ZNF251: variants seen among roughly 807,000 people sequenced by gnomAD.
The protein encoded by ZNF251 is zinc finger protein 251.
In ZNF251, 14 loss-of-function variants were observed where a neutral mutation model predicts 13.5. The ratio of observed to expected loss-of-function variants is 1.04; its 90% CI spans 0.69 to 1.63. ZNF251 has a LOEUF of 1.63. ZNF251 is among the 40% of genes most tolerant of loss of function. The pLI is 0.00. For missense variants in ZNF251, 764 were observed against 834.9 expected (o/e 0.92, Z 1.05); for synonymous variants, 287 against 295.2 (o/e 0.97, Z 0.28).
intron 4 of ZNF251, among the ~76,000 whole-genome samples, chr8:144,735,089 AAG>A (rs908990684): frequency 4.0e-5 from 6 of 149,464 alleles, no homozygotes; most frequent in Admixed American, 2.0e-4. Flanking sequence ...ATAAAAAAAA[AAG>A]AGATTTTACA....
chr8:144,734,878 A>G lies in ZNF251; in HGVS notation c.278-11496T>C, dbSNP rs1195410362. Among the ~76,000 whole-genome samples, 2 of 151,882 alleles carry G rather than the reference A, an allele frequency of 1.3e-5. No individual in the cohort carries two copies. Among genetic ancestry groups the G allele is most frequent in the African/African-American group, 4.8e-5 (2 of 41,316 alleles). On this transcript the variant is annotated intron_variant, in intron 4 of 4. Transcript: ENST00000292562. This position sits in a 1 kb window ranked among gnomAD's most constrained non-coding sequence, Gnocchi z 4.4. ...CACCTGAGGTCAGGAGTTTGAGACC[A>G]GCCTGACCAACACAGAGAAACCCCG...
intron 4 of ZNF251, among the ~76,000 whole-genome samples, chr8:144,735,573 C>A (rs565102164): frequency 6.6e-6 from 1 of 152,116 alleles, no homozygotes; most frequent in East Asian, 1.9e-4. Flanking sequence ...ATCCCATGCC[C>A]ACAAATCAGA....
Position 144,723,049 on chromosome 8 carries a change from G to C in ZNF251, c.611C>G (p.Thr204Arg). Residue 204 changes from threonine to arginine, a missense_variant, in exon 5 of 5, where the codon ACA (threonine) becomes AGA (arginine). Thr to Arg is a moderately conservative substitution (Grantham distance 71). Transcript: ENST00000292562. ...QNVVRLQRNKTGERVFKCDIC... is the reference protein window; with the variant it reads ...QNVVRLQRNKRGERVFKCDIC... Reference sequence around the variant, plus strand: ...ATCACATTTAAAGACCCTCTCTCCTGTTTTATTTCTTTGAAGTCTAACAAC... The same window carrying C: ...ATCACATTTAAAGACCCTCTCTCCTCTTTTATTTCTTTGAAGTCTAACAAC... 6 of 1,613,984 alleles carry C rather than the reference G, an allele frequency of 3.7e-6. No individual in the cohort carries two copies. The highest frequency in any genetic ancestry group is 5.1e-6 in the Non-Finnish European group (6 of 1,179,880).
chr8:144,722,698 T>C lies in ZNF251; in HGVS notation c.962A>G (p.Tyr321Cys), dbSNP rs757418507. 3 of 1,614,062 alleles carry C rather than the reference T, an allele frequency of 1.9e-6. No homozygotes were observed. The highest frequency in any genetic ancestry group is 2.5e-6 in the Non-Finnish European group (3 of 1,180,006). ...GCCTCTTCCACATTCATTACACTTG[T>C]AGGGTTTCTCTCCTGTGTGAATGAT... ...HRIIHTGEKPYKCNECGRGFS... is the reference protein window; with the variant it reads ...HRIIHTGEKPCKCNECGRGFS... Residue 321 changes from tyrosine to cysteine, a missense_variant, in exon 5 of 5, where the codon TAC becomes TGC. By Grantham distance (194) the Tyr-to-Cys change is radical. Transcript: ENST00000292562. The surrounding 1 kb of genome is among the most constrained non-coding windows in gnomAD (Gnocchi z 4.8).
At chr8:144,735,629 G>A (rs1214484757) in intron 4 of ZNF251, among the ~76,000 whole-genome samples, 21 of 152,090 alleles carry the variant, frequency 1.4e-4, no homozygotes, top group Admixed American at 1.0e-3. Flanking sequence ...TGGGAAGGAC[G>A]GGCGCACTCG....
chr8:144,737,837 C>CAAAAAA, intron 4 of ZNF251, among the ~76,000 whole-genome samples: 1 of 52,018 alleles, frequency 1.9e-5, no homozygotes, highest in Middle Eastern at 0.015. Context: ...GACTCTGTCT[C>CAAAAAA]AAAAAAAAAA....
chr8:144,723,542 A>G (rs1019281732), intron 4 of ZNF251, among the ~76,000 whole-genome samples, 160 bp from the exon 5 acceptor site: 1 of 152,236 alleles, frequency 6.6e-6, no homozygotes, highest in Non-Finnish European at 1.5e-5. Flanking sequence ...TGGGATGGCC[A>G]ATCAACAGGA....
chr8:144,739,309 C>G (rs1201737888), intron 4 of ZNF251, among the ~76,000 whole-genome samples: 1 of 150,282 alleles, frequency 6.7e-6, no homozygotes, highest in Non-Finnish European at 1.5e-5. Flanking sequence ...CTCCACCTCC[C>G]CAAACTAGGA....
At chr8:144,747,992 T>C (rs1227470324) in intron 4 of ZNF251, among the ~76,000 whole-genome samples, 1 of 152,154 alleles carries the variant, frequency 6.6e-6, no homozygotes, top group Non-Finnish European at 1.5e-5. Flanking sequence ...TCACCGCAGC[T>C]TCAATGTCCT....
At chr8:144,750,919 G>C (rs188627625) in intron 4 of ZNF251, among the ~76,000 whole-genome samples, 1 of 147,414 alleles carries the variant, frequency 6.8e-6, no homozygotes, top group Non-Finnish European at 1.5e-5. Flanking sequence ...GTGCAATCTT[G>C]GCTCACTGCA....
At position 144,738,615 on chromosome 8, in the gene ZNF251, A is replaced by T. The variant is rs537888542; in HGVS notation, c.277+15068T>A. The T allele has an allele frequency of 4.1e-6, 4 of 985,472 alleles. No individual in the cohort carries two copies. In the South Asian group the frequency reaches 1.9e-4, roughly 46 times the overall value. 61.0% of individuals were successfully genotyped at this position (985,472 alleles called of 1,614,324 possible). A position where few individuals can be genotyped will look rare whatever the true frequency, so the allele number is the denominator to read the frequency against. On this transcript the variant is annotated intron_variant, in intron 4 of 4. Coordinates refer to ENST00000292562, the MANE Select transcript of ZNF251 (RefSeq NM_138367.2). ...AGCCTCGTGATGCAACATGCCTGCA[A>T]GTCCAAACTGCCTTCTGCCCATAGA...
intron 4 of ZNF251, among the ~76,000 whole-genome samples, chr8:144,739,528 T>A (rs1279877432): frequency 1.3e-5 from 2 of 152,214 alleles, no homozygotes; most frequent in Non-Finnish European, 2.9e-5. Context: ...GGAACCTTAT[T>A]TTGCTGAAAT....
In ZNF251 at chr8:144,721,580, T is replaced by C. The variant is rs7464212; in HGVS notation, c.*64A>G. 7.8e-7 allele frequency: 1 copy of C among 1,284,594 alleles called. No homozygotes were observed. Among genetic ancestry groups the C allele is most frequent in the Admixed American group, 3.4e-5 (1 of 29,158 alleles). 79.6% of individuals were successfully genotyped at this position (1,284,594 alleles called of 1,614,324 possible). On this transcript the variant is annotated 3_prime_UTR_variant, in exon 5 of 5. Coordinates refer to ENST00000292562, the MANE Select transcript of ZNF251 (RefSeq NM_138367.2). ...ATATTTAGACCTTATATATCTTTCA[T>C]TATGCCATCTTATCTTCTAATGTCA...
intron 2 of ZNF251, 137 bp from the exon 3 acceptor site, chr8:144,754,458 A>C: frequency 6.9e-7 from 1 of 1,444,420 alleles, no homozygotes. Flanking sequence ...CAGGTCCCTG[A>C]TGGGGCAGCT....
At chr8:144,740,379 G>C (rs895510685) in intron 4 of ZNF251, among the ~76,000 whole-genome samples, 11 of 151,994 alleles carry the variant, frequency 7.2e-5, no homozygotes, top group Non-Finnish European at 2.9e-5. Flanking sequence ...GCTCATGCCC[G>C]TAATCCCAGC....
At chr8:144,747,963 G>A (rs987238233) in intron 4 of ZNF251, among the ~76,000 whole-genome samples, 2 of 152,136 alleles carry the variant, frequency 1.3e-5, no homozygotes, top group African/African-American at 2.4e-5. Flanking sequence ...AGCCTGGAGC[G>A]CAGTGACGTG....
At chr8:144,753,574 T>A in intron 4 of ZNF251, 109 bp downstream of exon 4, 1 of 786,322 alleles carries the variant, frequency 1.3e-6, no homozygotes, top group South Asian at 1.6e-5. Context: ...AGACTGCCCC[T>A]GGGGGAGGCC....
intron 4 of ZNF251, among the ~76,000 whole-genome samples, chr8:144,728,459 C>T (rs936088740): frequency 6.6e-6 from 1 of 151,706 alleles, no homozygotes; most frequent in Non-Finnish European, 1.5e-5. Context: ...GTCAGGAGAT[C>T]GAGACCATCC....
intron 4 of ZNF251, among the ~76,000 whole-genome samples, chr8:144,747,920 G>A (rs1249264994): frequency 1.3e-5 from 2 of 151,302 alleles, no homozygotes. Flanking sequence ...CTGGTTTTGT[G>A]GTTTTTAGAG....
Sources: gnomAD v4.1 joint callset for allele counts (sites outside exome capture counted in the v4.1 genomes callset) on GRCh38, gnomAD v4.1.1 for gene constraint, Gnocchi (gnomAD v3.1) non-coding constraint, MANE v1.5 for transcripts, NCBI Gene and HGNC (gene_info 2026-07-23, HGNC 2026-07-21) for gene names.